CTNNA3: variants seen among roughly 807,000 people sequenced by gnomAD.
The protein encoded by CTNNA3 is catenin alpha-3.
CTNNA3 carries 76 observed loss-of-function variants against 95.7 expected under a neutral mutation model. That is an observed-to-expected ratio of 0.79 (90% CI 0.66 to 0.96). The LOEUF is 0.96. Ranked by LOEUF, CTNNA3 falls within the 40% of genes least tolerant of loss-of-function variation. The pLI is 0.00. For missense variants in CTNNA3, 1,191 were observed against 1,089.8 expected (o/e 1.09, Z -1.31); for synonymous variants, 431 against 374.4 (o/e 1.15, Z -1.74).
intron 13 of CTNNA3, among the ~76,000 whole-genome samples, chr10:66,136,594 T>G (rs984351251): frequency 2.0e-5 from 3 of 152,100 alleles, no homozygotes; most frequent in African/African-American, 7.2e-5. Context: ...TTTCTGACAA[T>G]CAGTATCATA....
chr10:66,815,726 T>C (rs781600011), intron 7 of CTNNA3, among the ~76,000 whole-genome samples: 1 of 152,062 alleles, frequency 6.6e-6, no homozygotes, highest in Non-Finnish European at 1.5e-5. Flanking sequence ...TAAAATTAAT[T>C]TAAAAACTGC....
chr10:66,606,954 A>G (rs571228557), intron 10 of CTNNA3, among the ~76,000 whole-genome samples: 2 of 152,006 alleles, frequency 1.3e-5, no homozygotes, highest in East Asian at 3.9e-4. Context: ...GGAGACTGAG[A>G]CACCAAAAAG....
intron 15 of CTNNA3, among the ~76,000 whole-genome samples, chr10:65,989,709 A>G (rs2133329655): frequency 6.6e-6 from 1 of 152,268 alleles, no homozygotes; most frequent in African/African-American, 2.4e-5. Flanking sequence ...TATTATTTCT[A>G]TTTGTTGAAA....
chr10:67,725,914 G>A (rs970268601), intron 1 of CTNNA3, among the ~76,000 whole-genome samples: 5 of 116,598 alleles, frequency 4.3e-5, no homozygotes, highest in Non-Finnish European at 6.8e-5. Context: ...ATTATATATT[G>A]TACATAATAT....
chr10:66,333,852 G>C (rs2092362296), intron 12 of CTNNA3, among the ~76,000 whole-genome samples: 1 of 151,624 alleles, frequency 6.6e-6, no homozygotes. Context: ...CATTATTATT[G>C]TGTGGGAGTC....
intron 5 of CTNNA3, among the ~76,000 whole-genome samples, chr10:67,438,019 G>T (rs931824824): frequency 1.4e-4 from 21 of 151,060 alleles, no homozygotes; most frequent in African/African-American, 4.6e-4. Flanking sequence ...TGAAATAAAA[G>T]ATTTAAACTT....
At chr10:67,596,423 T>C (rs895784441) in intron 3 of CTNNA3, among the ~76,000 whole-genome samples, 1 of 152,178 alleles carries the variant, frequency 6.6e-6, no homozygotes, top group Non-Finnish European at 1.5e-5. Context: ...TAGGTGTAAA[T>C]GGGTTTTAAG....
intron 1 of CTNNA3, among the ~76,000 whole-genome samples, chr10:67,718,786 A>C (rs1336577599): frequency 6.6e-6 from 1 of 152,136 alleles, no homozygotes; most frequent in Non-Finnish European, 1.5e-5. Context: ...TATCTCTGCC[A>C]GGTTTAGGTA....
chr10:66,613,795 T>C (rs565175605), intron 10 of CTNNA3, among the ~76,000 whole-genome samples: 2 of 152,238 alleles, frequency 1.3e-5, no homozygotes, highest in East Asian at 3.9e-4. Context: ...GCATAAATTA[T>C]AAAAGGCCTG....
At chr10:67,725,963 AT>A (rs1406586664) in intron 1 of CTNNA3, among the ~76,000 whole-genome samples, 11 of 110,886 alleles carry the variant, frequency 9.9e-5, no homozygotes, top group African/African-American at 4.3e-4. Flanking sequence ...TATATATAAT[AT>A]ATATGTAATA....
At chr10:66,815,580 A>T (rs1842045021) in intron 7 of CTNNA3, among the ~76,000 whole-genome samples, 1 of 152,164 alleles carries the variant, frequency 6.6e-6, no homozygotes, top group African/African-American at 2.4e-5. Flanking sequence ...ATGATTTGAA[A>T]TGTCAGCCCA....
chr10:66,017,728 C>A (rs2079122647), intron 15 of CTNNA3, among the ~76,000 whole-genome samples: 1 of 151,998 alleles, frequency 6.6e-6, no homozygotes, highest in Non-Finnish European at 1.5e-5. Context: ...CTATTGTTAA[C>A]CGACAAAATG....
chr10:66,942,060 C>T (rs978797358), intron 7 of CTNNA3, among the ~76,000 whole-genome samples: 3 of 152,130 alleles, frequency 2.0e-5, no homozygotes, highest in Non-Finnish European at 4.4e-5. Context: ...GTATCAGTTT[C>T]CTCATCTGTA....
intron 1 of CTNNA3, among the ~76,000 whole-genome samples, chr10:67,701,307 C>A (rs377582002): frequency 1.6e-4 from 24 of 152,122 alleles, no homozygotes; most frequent in South Asian, 1.0e-3. Flanking sequence ...AAGAGCAACA[C>A]CAAGACACAT....
chr10:67,188,771 A>C (rs2132167032), intron 6 of CTNNA3, among the ~76,000 whole-genome samples: 1 of 152,320 alleles, frequency 6.6e-6, no homozygotes, highest in African/African-American at 2.4e-5. Flanking sequence ...AAATGGATAA[A>C]GAAAATGTAG....
chr10:67,442,796 T>G (rs1472803762), intron 5 of CTNNA3, among the ~76,000 whole-genome samples: 1 of 152,056 alleles, frequency 6.6e-6, no homozygotes, highest in Non-Finnish European at 1.5e-5. Context: ...ACTTTCTTTT[T>G]TTTTAATTAT....
intron 11 of CTNNA3, among the ~76,000 whole-genome samples, chr10:66,392,645 C>T (rs1053121006): frequency 9.9e-5 from 15 of 152,030 alleles, no homozygotes; most frequent in African/African-American, 3.4e-4. Flanking sequence ...ACATGGTCAA[C>T]ATTGTTTATC....
intron 9 of CTNNA3, among the ~76,000 whole-genome samples, chr10:66,625,376 T>C (rs139055696): frequency 1.1e-4 from 16 of 152,218 alleles, no homozygotes; most frequent in African/African-American, 3.9e-4. Flanking sequence ...TGGTTCCTAG[T>C]TCAAGTTCAT....
At position 67,637,783 on chromosome 10, in the gene CTNNA3, G is replaced by A. The variant is rs550320667; in HGVS notation, c.99+9632C>T. Among the ~76,000 whole-genome samples, 65 of 152,270 alleles carry A rather than the reference G, an allele frequency of 4.3e-4. 2 individuals carry two copies. In the South Asian group the frequency reaches 0.013, roughly 31 times the overall value. On this transcript the variant is annotated intron_variant, in intron 2 of 17. Transcript: ENST00000433211. ...CAAACTAAACTTCATAAGTGAAGGA[G>A]AAATAAAACACTTTACAGACAAGCA...
Sources: allele counts gnomAD v4.1 joint callset (sites outside exome capture counted in the v4.1 genomes callset), GRCh38; gene constraint gnomAD v4.1.1; transcripts MANE v1.5; gene names NCBI Gene and HGNC (gene_info 2026-07-23, HGNC 2026-07-21).